SORCS2: variants seen among roughly 807,000 people sequenced by gnomAD.
SORCS2 encodes the protein sortilin related VPS10 domain containing receptor 2.
Under a neutral mutation model 141.6 loss-of-function variants are expected in SORCS2, and 100 were observed. That is an observed-to-expected ratio of 0.71 (90% confidence interval 0.60 to 0.83). SORCS2 has a LOEUF of 0.83. SORCS2 is among the 40% of genes least tolerant of loss of function. SORCS2 has a pLI of 0.00. For synonymous variants in SORCS2, 789 were observed against 676.9 expected (o/e 1.17, Z -2.57); for missense variants, 1,646 against 1,560.2 (o/e 1.05, Z -0.93).
At chr4:7,329,744 C>T (rs887667324) in intron 1 of SORCS2, among the ~76,000 whole-genome samples, 13 of 152,216 alleles carry the variant, frequency 8.5e-5, no homozygotes, top group African/African-American at 3.1e-4. Context: ...GTTTTGACTT[C>T]ACAACAGTGT....
intron 2 of SORCS2, among the ~76,000 whole-genome samples, chr4:7,482,460 G>T (rs1206875152): frequency 3.5e-5 from 1 of 28,236 alleles, no homozygotes; most frequent in Admixed American, 4.0e-4. Flanking sequence ...CTGTATCCCC[G>T]CTGCGGACAC....
intron 4 of SORCS2, among the ~76,000 whole-genome samples, chr4:7,649,149 C>T (rs752866025): frequency 1.2e-4 from 18 of 152,128 alleles, no homozygotes; most frequent in African/African-American, 2.7e-4. Context: ...AGGCCTGACC[C>T]GGGGGAGACT....
intron 2 of SORCS2, among the ~76,000 whole-genome samples, chr4:7,474,875 G>A (rs1684910372): frequency 6.6e-6 from 1 of 152,160 alleles, no homozygotes; most frequent in Non-Finnish European, 1.5e-5. Context: ...GGGCTCCTGG[G>A]GAGTTCCCTT....
At chr4:7,413,275 A>G (rs1725443490) in intron 2 of SORCS2, among the ~76,000 whole-genome samples, 2 of 152,110 alleles carry the variant, frequency 1.3e-5, no homozygotes, top group Non-Finnish European at 2.9e-5. Context: ...TTCATATTTG[A>G]GATAAATATT....
At chr4:7,573,893 G>T (rs1308240210) in intron 3 of SORCS2, among the ~76,000 whole-genome samples, 1 of 152,142 alleles carries the variant, frequency 6.6e-6, no homozygotes, top group Non-Finnish European at 1.5e-5. Context: ...TGCCTCCCTG[G>T]CCTCCTCGCT....
At chr4:7,459,570 G>A (rs185016176) in intron 2 of SORCS2, among the ~76,000 whole-genome samples, 7 of 152,302 alleles carry the variant, frequency 4.6e-5, no homozygotes, top group Non-Finnish European at 8.8e-5. Flanking sequence ...ATGCCACGAT[G>A]CCTGGCCCCG....
chr4:7,213,145 A>C (rs1404202671), intron 1 of SORCS2, among the ~76,000 whole-genome samples: 1 of 152,252 alleles, frequency 6.6e-6, no homozygotes, highest in Non-Finnish European at 1.5e-5. Flanking sequence ...AGAACTGCTT[A>C]AGCCATATCC....
intron 3 of SORCS2, among the ~76,000 whole-genome samples, chr4:7,553,651 T>A (rs1371829708): frequency 6.6e-6 from 1 of 152,212 alleles, no homozygotes; most frequent in Non-Finnish European, 1.5e-5. Context: ...AGCCCAGGTA[T>A]GGATGGAGAC....
intron 2 of SORCS2, among the ~76,000 whole-genome samples, chr4:7,525,029 CG>C (rs772900070): frequency 5.3e-5 from 8 of 152,230 alleles, no homozygotes; most frequent in Non-Finnish European, 7.3e-5. Context: ...GGACACAGCG[CG>C]GGGAGAGGCA....
At chr4:7,613,338 G>A (rs547310043) in intron 3 of SORCS2, among the ~76,000 whole-genome samples, 9 of 152,342 alleles carry the variant, frequency 5.9e-5, no homozygotes, top group African/African-American at 1.9e-4. Context: ...GAAGAGTCGC[G>A]GGCGCTGTCT....
rs546195113 is a variant in SORCS2, at chr4:7,555,616, C to T, written c.648+23987C>T. Among the ~76,000 whole-genome samples the T allele has an allele frequency of 1.1e-3, 172 of 152,326 alleles. 1 individual carries two copies. The highest frequency in any genetic ancestry group is 3.8e-3 in the African/African-American group (160 of 41,566). Reference sequence around the variant, plus strand: ...AACAGACATAGCCCCTGCTCTCATTCCCTGAGGGAAACTGACGTTGATTTA... The same window carrying T: ...AACAGACATAGCCCCTGCTCTCATTTCCTGAGGGAAACTGACGTTGATTTA... On this transcript the variant is annotated intron_variant, in intron 3 of 26. Coordinates refer to ENST00000507866, the MANE Select transcript of SORCS2 (RefSeq NM_020777.3).
intron 3 of SORCS2, among the ~76,000 whole-genome samples, chr4:7,549,663 C>G (rs191482188): frequency 1.0e-3 from 159 of 152,370 alleles, no homozygotes; most frequent in African/African-American, 3.5e-3. Flanking sequence ...AGCACTGGTG[C>G]AAGCACATAG....
chr4:7,601,547 A>G (rs1717668792), intron 3 of SORCS2, among the ~76,000 whole-genome samples: 1 of 145,212 alleles, frequency 6.9e-6, no homozygotes, highest in Non-Finnish European at 1.5e-5. Context: ...TTAGCTAAGG[A>G]GCCACAGGTT....
At chr4:7,219,543 C>T (rs1025684468) in intron 1 of SORCS2, among the ~76,000 whole-genome samples, 5 of 152,274 alleles carry the variant, frequency 3.3e-5, no homozygotes, top group South Asian at 2.1e-4. Context: ...AGGAAACTTA[C>T]GATCATGGTG....
chr4:7,741,600 G>A lies in SORCS2; in HGVS notation c.*1336G>A, dbSNP rs1386698398. ...CAGAGCCCTGGCTGGTGATGTGCTGGCTGGGGGTGAATCCCAATGAGGGTC... is the reference window on the plus strand; with the variant it reads ...CAGAGCCCTGGCTGGTGATGTGCTGACTGGGGGTGAATCCCAATGAGGGTC... On this transcript the variant is annotated 3_prime_UTR_variant, in exon 27 of 27. Transcript: ENST00000507866. 2 of 209,176 alleles carry A rather than the reference G, an allele frequency of 9.6e-6. No homozygotes were observed. Among genetic ancestry groups the A allele is most frequent in the Non-Finnish European group, 1.9e-5 (2 of 106,320 alleles). 13.0% of individuals were successfully genotyped at this position (209,176 alleles called of 1,614,324 possible).
At chr4:7,709,968 C>A (rs1318029711) in intron 14 of SORCS2, among the ~76,000 whole-genome samples, 3 of 152,130 alleles carry the variant, frequency 2.0e-5, no homozygotes, top group Non-Finnish European at 4.4e-5. Context: ...ATATCTAGAC[C>A]CCTTCGGCAC....
chr4:7,526,886 A>G (rs1733729101), intron 2 of SORCS2, among the ~76,000 whole-genome samples: 1 of 152,252 alleles, frequency 6.6e-6, no homozygotes, highest in Non-Finnish European at 1.5e-5. Context: ...TTAACTCAAT[A>G]TATCCAAAAG....
chr4:7,416,947 C>T (rs748217895), intron 2 of SORCS2, among the ~76,000 whole-genome samples: 8 of 152,264 alleles, frequency 5.3e-5, no homozygotes, highest in African/African-American at 1.2e-4. Flanking sequence ...CACATACTCT[C>T]GCACACACAC....
intron 1 of SORCS2, chr4:7,381,782 C>A: frequency 1.6e-5 from 5 of 307,890 alleles, no homozygotes; most frequent in South Asian, 1.3e-4. Context: ...AGTGCACAAA[C>A]CCTGGACTGC....
Sources: gnomAD v4.1 joint callset for allele counts (sites outside exome capture counted in the v4.1 genomes callset) on GRCh38, gnomAD v4.1.1 for gene constraint, MANE v1.5 for transcripts, NCBI Gene and HGNC (gene_info 2026-07-23, HGNC 2026-07-21) for gene names.